Variants in EEF1AKMT1 observed in about 807,000 individuals in gnomAD.
EEF1AKMT1 encodes EEF1A lysine methyltransferase 1.
A neutral mutation model predicts 21.0 loss-of-function variants in EEF1AKMT1; 18 were observed. The observed-to-expected ratio is 0.86, with a 90% CI of 0.59 to 1.27. The LOEUF is 1.27. EEF1AKMT1 is among the 50% of genes most tolerant of loss of function. The pLI, the probability that EEF1AKMT1 is intolerant of heterozygous loss-of-function variation, is 0.00. For synonymous variants in EEF1AKMT1, 109 were observed against 94.8 expected, an observed-to-expected ratio of 1.15 and a Z score of -0.87; for missense variants, 246 against 258.6, an observed-to-expected ratio of 0.95 and a Z score of 0.33.
intron 2 of EEF1AKMT1, among the ~76,000 whole-genome samples, chr13:20,748,456 G>A (rs2058920579): frequency 1.3e-5 from 2 of 149,628 alleles, no homozygotes; most frequent in East Asian, 3.9e-4. Context: ...AAAGTCAAAA[G>A]CACTACTAGG....
Position 20,737,516 on chromosome 13 carries a change from G to A in EEF1AKMT1, c.227+207C>T, listed in dbSNP as rs985276878. ...GAAACAGGTTAGAAAATGTTAAAAG[G>A]AAGAGATAAGACATTCCACAATGAA... On this transcript the variant is annotated intron_variant, in intron 3 of 4. Transcript: ENST00000382758. Among the ~76,000 whole-genome samples, 25 of 152,094 alleles carry A rather than the reference G, an allele frequency of 1.6e-4. 1 individual carries two copies. Among genetic ancestry groups the A allele is most frequent in the African/African-American group, 5.1e-4 (21 of 41,430 alleles).
chr13:20,738,883 A>G (rs542449937), intron 2 of EEF1AKMT1, among the ~76,000 whole-genome samples: 1 of 151,218 alleles, frequency 6.6e-6, no homozygotes, highest in South Asian at 2.1e-4. Flanking sequence ...CGCAACGAAA[A>G]TGTTCTAAAA....
At chr13:20,766,346 A>G (rs1385592606) in intron 1 of EEF1AKMT1, among the ~76,000 whole-genome samples, 2 of 151,782 alleles carry the variant, frequency 1.3e-5, no homozygotes, top group Admixed American at 1.3e-4. Flanking sequence ...AAAAAAAGAA[A>G]CATGTAATAG....
chr13:20,772,149 G>A (rs1189951548), intron 1 of EEF1AKMT1, among the ~76,000 whole-genome samples: 1 of 152,050 alleles, frequency 6.6e-6, no homozygotes, highest in African/African-American at 2.4e-5. Context: ...GAAGTACTGT[G>A]TTATATTATT....
intron 2 of EEF1AKMT1, among the ~76,000 whole-genome samples, chr13:20,741,494 G>A (rs1157612762): frequency 8.4e-6 from 1 of 118,414 alleles, no homozygotes; most frequent in Non-Finnish European, 1.6e-5. Flanking sequence ...GTCTTGCTCT[G>A]TCGCCAGGCT....
intron 1 of EEF1AKMT1, among the ~76,000 whole-genome samples, chr13:20,760,123 A>AAAAAG (rs1555327133): frequency 0.2 from 24,142 of 123,730 alleles, 4,305 homozygotes; most frequent in East Asian, 0.66. Context: ...AAAAAAAAAA[A>AAAAAG]AAGTCAAAAA....
chr13:20,748,756 GTCTCAC>G, intron 2 of EEF1AKMT1, among the ~76,000 whole-genome samples: 1 of 91,444 alleles, frequency 1.1e-5, no homozygotes, highest in African/African-American at 4.1e-5. Context: ...TTGAGACAGA[GTCTCAC>G]TCTGTCACCC....
intron 1 of EEF1AKMT1, among the ~76,000 whole-genome samples, chr13:20,768,088 A>G (rs180732206): frequency 4.2e-5 from 6 of 142,094 alleles, no homozygotes; most frequent in African/African-American, 8.7e-5. Flanking sequence ...CTTCTAACAT[A>G]TATCTATTCT....
Position 20,730,673 on chromosome 13 carries a change from G to A in EEF1AKMT1, c.508+1168C>T, listed in dbSNP as rs150400604. On this transcript the variant is annotated intron_variant, in intron 4 of 4. Transcript: ENST00000382758. Reference sequence around the variant, plus strand: ...TAGTGGGGACTTGGAGAACTTTTCTGTCTAGCTAGAGGATTGTAAACACAC... The same window carrying A: ...TAGTGGGGACTTGGAGAACTTTTCTATCTAGCTAGAGGATTGTAAACACAC... Among the ~76,000 whole-genome samples the A allele has an allele frequency of 3.0e-3, 459 of 152,200 alleles. 1 individual carries two copies. Among genetic ancestry groups the A allele is most frequent in the African/African-American group, 0.011 (448 of 41,524 alleles).
intron 2 of EEF1AKMT1, among the ~76,000 whole-genome samples, chr13:20,749,259 T>C (rs1189037429): frequency 1.3e-5 from 2 of 152,296 alleles, no homozygotes; most frequent in East Asian, 3.9e-4. Context: ...ATATTGGATA[T>C]CCTATCACTT....
At chr13:20,741,468 T>C (rs1199051662) in intron 2 of EEF1AKMT1, among the ~76,000 whole-genome samples, 1 of 148,590 alleles carries the variant, frequency 6.7e-6, no homozygotes, top group Non-Finnish European at 1.5e-5. Flanking sequence ...TTTTTTTTTT[T>C]TTTTTTTGAG....
chr13:20,770,578 C>G (rs1056756189), intron 1 of EEF1AKMT1, among the ~76,000 whole-genome samples: 2 of 152,120 alleles, frequency 1.3e-5, no homozygotes, highest in African/African-American at 4.8e-5. Flanking sequence ...CAAAGATTAG[C>G]TTGTGTGCAT....
At chr13:20,752,606 C>A (rs1032952065) in intron 2 of EEF1AKMT1, among the ~76,000 whole-genome samples, 1 of 151,910 alleles carries the variant, frequency 6.6e-6, no homozygotes, top group Non-Finnish European at 1.5e-5. Flanking sequence ...CTGTAATTTT[C>A]TTTATTTCTT....
intron 1 of EEF1AKMT1, among the ~76,000 whole-genome samples, chr13:20,759,551 G>T (rs1206689316): frequency 6.6e-6 from 1 of 151,714 alleles, no homozygotes; most frequent in Non-Finnish European, 1.5e-5. Flanking sequence ...CTGCACTCCA[G>T]CCTGGGTGAC....
At chr13:20,757,046 A>G in intron 2 of EEF1AKMT1, among the ~76,000 whole-genome samples, 1 of 152,156 alleles carries the variant, frequency 6.6e-6, no homozygotes, top group East Asian at 1.9e-4. Flanking sequence ...CAGTAGAAGA[A>G]CTTGGGAACC....
At chr13:20,743,654 T>C (rs962041068) in intron 2 of EEF1AKMT1, among the ~76,000 whole-genome samples, 2 of 151,580 alleles carry the variant, frequency 1.3e-5, no homozygotes, top group African/African-American at 4.9e-5. Context: ...ACACTTGACC[T>C]TGTGCTTTTT....
intron 3 of EEF1AKMT1, among the ~76,000 whole-genome samples, chr13:20,737,515 G>A (rs1184064870): frequency 6.6e-6 from 1 of 152,164 alleles, no homozygotes; most frequent in East Asian, 1.9e-4. Context: ...AATGTTAAAA[G>A]GAAGAGATAA....
At chr13:20,750,593 T>C (rs1349735200) in intron 2 of EEF1AKMT1, among the ~76,000 whole-genome samples, 2 of 152,226 alleles carry the variant, frequency 1.3e-5, no homozygotes, top group Non-Finnish European at 2.9e-5. Flanking sequence ...CATTAATTTA[T>C]TGACGGACAG....
intron 3 of EEF1AKMT1, among the ~76,000 whole-genome samples, chr13:20,734,596 ATTT>A (rs1680758482): frequency 6.6e-6 from 1 of 151,332 alleles, no homozygotes. Context: ...TTATTTATTT[ATTT>A]ATTTATTTAT....
Sources: allele counts gnomAD v4.1 joint callset (sites outside exome capture counted in the v4.1 genomes callset), GRCh38; gene constraint gnomAD v4.1.1; transcripts MANE v1.5; gene names NCBI Gene and HGNC (gene_info 2026-07-23, HGNC 2026-07-21).